The following CBFB variants were observed in gnomAD, a reference collection of about 807,000 sequenced individuals.
The protein encoded by CBFB is CBF-beta.
Under a neutral mutation model 30.4 loss-of-function variants are expected in CBFB, and 9 were observed. That is an observed-to-expected ratio of 0.30 (90% CI 0.18 to 0.52). The LOEUF (loss-of-function observed/expected upper bound fraction) is 0.52, where lower values mean the gene tolerates loss of function less well. CBFB is among the 20% of genes least tolerant of loss of function. The pLI is 0.97. For synonymous variants in CBFB, 94 were observed against 84.0 expected (o/e 1.12, Z -0.65); for missense variants, 170 against 244.0 (o/e 0.70, Z 2.02).
chr16:67,053,632 C>G (rs1567610810), intron 3 of CBFB, among the ~76,000 whole-genome samples: 1 of 151,800 alleles, frequency 6.6e-6, no homozygotes, highest in Non-Finnish European at 1.5e-5. Context: ...ATTCAGCTTC[C>G]CTGTGAATTT....
intron 2 of CBFB, among the ~76,000 whole-genome samples, chr16:67,034,809 C>G (rs1056208692): frequency 6.6e-6 from 1 of 152,176 alleles, no homozygotes; most frequent in African/African-American, 2.4e-5. Flanking sequence ...TTTCTGCCAC[C>G]ACTCTGCTCT....
chr16:67,082,285 A>C lies in CBFB; in HGVS notation c.472A>C (p.Arg158=). The C allele has an allele frequency of 6.2e-7, 1 of 1,612,342 alleles. No homozygotes were observed. The highest frequency in any genetic ancestry group is 8.5e-7 in the Non-Finnish European group (1 of 1,178,620). ...RRTREFEDRD[R]SHREEMEARR... Reference sequence around the variant, plus strand: ...GACACGCGAATTTGAAGATAGAGACAGGTCTCATCGGGAGGAAATGGAGGT... The same window carrying C: ...GACACGCGAATTTGAAGATAGAGACCGGTCTCATCGGGAGGAAATGGAGGT... The change falls in exon 5 of 6, where the codon AGG becomes CGG. Residue 158 remains arginine, a synonymous_variant. Coordinates refer to ENST00000412916, the MANE Select transcript of CBFB (RefSeq NM_022845.3).
intron 3 of CBFB, among the ~76,000 whole-genome samples, chr16:67,043,575 A>T (rs953380328): frequency 6.6e-6 from 1 of 152,190 alleles, no homozygotes; most frequent in African/African-American, 2.4e-5. Flanking sequence ...CTTAATAAGG[A>T]TCTTTCTCAG....
chr16:67,048,581 C>T (rs1021649907), intron 3 of CBFB, among the ~76,000 whole-genome samples: 1 of 152,088 alleles, frequency 6.6e-6, no homozygotes, highest in South Asian at 2.1e-4. Context: ...GACAGAGTCT[C>T]GCTCTGTTGT....
intron 5 of CBFB, 76 bp downstream of exon 5, chr16:67,082,384 G>C (rs146811011): frequency 1.3e-6 from 2 of 1,557,272 alleles, no homozygotes; most frequent in Non-Finnish European, 1.7e-6. Context: ...TGTGATGTTT[G>C]TGCATAATGC....
chr16:67,094,647 C>G (rs1003186856), intron 5 of CBFB, among the ~76,000 whole-genome samples: 5 of 152,122 alleles, frequency 3.3e-5, no homozygotes, highest in African/African-American at 7.2e-5. Context: ...CTCAGTGTTT[C>G]TTCATTGCTT....
intron 3 of CBFB, among the ~76,000 whole-genome samples, chr16:67,040,031 G>A (rs1430547476): frequency 3.3e-5 from 5 of 152,046 alleles, no homozygotes; most frequent in African/African-American, 7.3e-5. Context: ...GCAAAAACTC[G>A]TACTGTACTG....
chr16:67,092,698 C>CTTTTTTTTTTTTTTTTTTTT (rs777213321), intron 5 of CBFB, among the ~76,000 whole-genome samples: 2 of 33,528 alleles, frequency 6.0e-5, no homozygotes, highest in African/African-American at 2.3e-4. Flanking sequence ...GTGGTGCAAT[C>CTTTTTTTTTTTTTTTTTTTT]TTTTTTTTTT....
intron 3 of CBFB, among the ~76,000 whole-genome samples, chr16:67,050,040 C>T (rs556140936): frequency 2.0e-5 from 3 of 151,896 alleles, no homozygotes; most frequent in African/African-American, 7.2e-5. Flanking sequence ...TTGCATACTA[C>T]ACTACTGCTA....
intron 5 of CBFB, among the ~76,000 whole-genome samples, chr16:67,084,098 T>G (rs755392850): frequency 2.5e-4 from 36 of 145,574 alleles, no homozygotes; most frequent in Non-Finnish European, 4.8e-4. Context: ...GCCTAGGCGC[T>G]TAAGGCTGCA....
At position 67,053,501 on chromosome 16, in the gene CBFB, C is replaced by T. The variant is rs868201398; in HGVS notation, c.283-13181C>T. On this transcript the variant is annotated intron_variant, in intron 3 of 5. Coordinates refer to ENST00000412916, the MANE Select transcript of CBFB (RefSeq NM_022845.3). The stretch of plus-strand genomic sequence containing the variant: ...CGATCTCCTGACCTTGTGATCCACA[C>T]TCTTCGGCCTCCCAAAGTGCTGGGA... 3.9e-5 allele frequency among the ~76,000 whole-genome samples: 6 copies of T among 152,102 alleles called. No individual in the cohort carries two copies. The South Asian group carries it at 1.0e-3, about 26-fold the overall frequency.
chr16:67,087,074 CAA>C (rs1336860208), intron 5 of CBFB, among the ~76,000 whole-genome samples: 1 of 152,066 alleles, frequency 6.6e-6, no homozygotes, highest in Non-Finnish European at 1.5e-5. Context: ...CCTGCCAAGT[CAA>C]GAGAGTGTGA....
At chr16:67,061,857 C>A (rs2145744634) in intron 3 of CBFB, among the ~76,000 whole-genome samples, 1 of 152,038 alleles carries the variant, frequency 6.6e-6, no homozygotes, top group African/African-American at 2.4e-5. Context: ...CATGGTGAAA[C>A]CCCGTCTCTA....
At chr16:67,031,930 G>C (rs925034656) in intron 2 of CBFB, among the ~76,000 whole-genome samples, 1 of 151,918 alleles carries the variant, frequency 6.6e-6, no homozygotes, top group Non-Finnish European at 1.5e-5. Context: ...GGGCTCAAGC[G>C]ATCCTCTTGC....
chr16:67,034,542 A>G (rs914493360), intron 2 of CBFB, among the ~76,000 whole-genome samples: 1 of 152,200 alleles, frequency 6.6e-6, no homozygotes, highest in Admixed American at 6.5e-5. Context: ...GGAAAATGTT[A>G]TTCTAGAATG....
chr16:67,065,948 C>A (rs1051154123), intron 3 of CBFB, among the ~76,000 whole-genome samples: 1 of 151,908 alleles, frequency 6.6e-6, no homozygotes, highest in Non-Finnish European at 1.5e-5. Context: ...GTGTTTTGTT[C>A]CGAATTATTT....
intron 2 of CBFB, 165 bp downstream of exon 2, chr16:67,029,978 C>G (rs1047970162): frequency 1.2e-5 from 6 of 483,504 alleles, no homozygotes; most frequent in Admixed American, 4.5e-5. Flanking sequence ...TGCCGCGGGC[C>G]GGTACTCGCG....
chr16:67,048,593 G>A (rs917250207), intron 3 of CBFB, among the ~76,000 whole-genome samples: 3 of 151,952 alleles, frequency 2.0e-5, no homozygotes, highest in Non-Finnish European at 2.9e-5. Flanking sequence ...CTCTGTTGTC[G>A]AGGCTGGAGT....
chr16:67,056,685 T>C (rs1960733818), intron 3 of CBFB, among the ~76,000 whole-genome samples: 1 of 121,440 alleles, frequency 8.2e-6, no homozygotes, highest in African/African-American at 3.3e-5. Flanking sequence ...TCTAGCAGGC[T>C]TTTTTTTTTT....
Sources: allele counts gnomAD v4.1 joint callset (sites outside exome capture counted in the v4.1 genomes callset), GRCh38; gene constraint gnomAD v4.1.1; transcripts MANE v1.5; gene names NCBI Gene and HGNC (gene_info 2026-07-23, HGNC 2026-07-21).